Variants in PDX1 observed in about 807,000 individuals in gnomAD.
PDX1 encodes the protein pancreatic and duodenal homeobox 1.
In PDX1, 7 loss-of-function variants were observed where a neutral mutation model predicts 11.1. That is an observed-to-expected ratio of 0.63 (90% CI 0.36 to 1.19). The LOEUF (loss-of-function observed/expected upper bound fraction) is 1.19. PDX1 is among the 50% of genes most tolerant of loss of function. PDX1 has a pLI of 0.02. For missense variants in PDX1, 449 were observed against 412.1 expected (o/e 1.09, Z -0.78); for synonymous variants, 232 against 196.2 (o/e 1.18, Z -1.53).
chr13:27,924,236 A>G lies in PDX1; in HGVS notation c.407-20A>G, dbSNP rs755050153. 4 of 1,568,372 alleles carry G rather than the reference A, an allele frequency of 2.6e-6. No homozygotes were observed. Among genetic ancestry groups the G allele is most frequent in the Non-Finnish European group, 2.6e-6 (3 of 1,158,428 alleles). Reference sequence around the variant, plus strand: ...GTGCGGGGCTCCGGGGGCCACACTCACGCCCTGTGTCGCCCGCAGGCGGCG... The same window carrying G: ...GTGCGGGGCTCCGGGGGCCACACTCGCGCCCTGTGTCGCCCGCAGGCGGCG... On this transcript the variant is annotated intron_variant, in intron 1 of 1. Coordinates refer to ENST00000381033, the MANE Select transcript of PDX1 (RefSeq NM_000209.4). This position sits in a 1 kb window ranked among gnomAD's most constrained non-coding sequence, Gnocchi z 4.8.
chr13:27,924,401 C>T lies in PDX1; in HGVS notation c.552C>T (p.Asn184=), dbSNP rs574643007. 4 of 1,613,212 alleles carry T rather than the reference C, an allele frequency of 2.5e-6. No homozygotes were observed. The Admixed American group carries it at 6.7e-5, about 27-fold the overall frequency. ...GGGTGGAGCTGGCTGTCATGTTGAA[C>T]TTGACCGAGAGACACATCAAGATCT... ...PRRVELAVML[N]LTERHIKIWF... The change falls in exon 2 of 2, where the codon AAC becomes AAT. Residue 184 remains asparagine, a synonymous_variant. Transcript: ENST00000381033. The surrounding 1 kb of genome is among the most constrained non-coding windows in gnomAD (Gnocchi z 4.8).
Position 27,924,987 on chromosome 13 carries a change from T to G in PDX1, c.*286T>G. The G allele has an allele frequency of 5.4e-6, 2 of 373,070 alleles. No individual in the cohort carries two copies. The highest frequency in any genetic ancestry group is 9.4e-6 in the Non-Finnish European group (2 of 212,280). 23.1% of individuals were successfully genotyped at this position (373,070 alleles called of 1,614,324 possible). ...CTGGATTGGCGTTGTTTGTGGCTGTTGCGCACATCCCTGCCCTCCTACAGC... is the reference window on the plus strand; with the variant it reads ...CTGGATTGGCGTTGTTTGTGGCTGTGGCGCACATCCCTGCCCTCCTACAGC... On this transcript the variant is annotated 3_prime_UTR_variant, in exon 2 of 2. Coordinates refer to ENST00000381033, the MANE Select transcript of PDX1 (RefSeq NM_000209.4). This position sits in a 1 kb window ranked among gnomAD's most constrained non-coding sequence, Gnocchi z 4.8.
intron 1 of PDX1, 77 bp downstream of exon 1, chr13:27,920,621 TTCTC>T: frequency 6.8e-7 from 1 of 1,466,256 alleles, no homozygotes; most frequent in South Asian, 1.2e-5. Flanking sequence ...CCCAGGAGCC[TTCTC>T]TCTGTTCCCG....
At chr13:27,920,591 C>T in intron 1 of PDX1, 47 bp downstream of exon 1, 1 of 1,593,826 alleles carries the variant, frequency 6.3e-7, no homozygotes, top group African/African-American at 1.3e-5. Context: ...TCTCACCCGG[C>T]CGCCTTACCT....
At chr13:27,922,957 C>T (rs976329616) in intron 1 of PDX1, among the ~76,000 whole-genome samples, 2 of 152,234 alleles carry the variant, frequency 1.3e-5, no homozygotes, top group African/African-American at 4.8e-5. Context: ...TGAGCCTCTG[C>T]TTCAGCTTCT....
In PDX1 at chr13:27,925,088, T is replaced by C; in HGVS notation, c.*387T>C. 4.1e-6 allele frequency: 1 copy of C among 244,082 alleles called. No homozygotes were observed. The highest frequency in any genetic ancestry group is 9.1e-5 in the East Asian group (1 of 11,016). The allele number at this position is 244,082 out of a possible 1,614,324, so 15.1% of individuals were successfully genotyped here. On this transcript the variant is annotated 3_prime_UTR_variant, in exon 2 of 2. Coordinates refer to ENST00000381033, the MANE Select transcript of PDX1 (RefSeq NM_000209.4). ...AACTGTACCATACACATTGGAAGGC[T>C]CCCTAACACACACAGCGGGGAAGCT...
rs1405652678 is a variant in PDX1, at chr13:27,920,546, T to C, written c.406+2T>C. ...ACGCGTGGAAAGGCCAGTGGGCAGG[T>C]AAGCCTGGCTCCCCACCCCTTTCTC... On this transcript the variant is annotated splice_donor_variant, in intron 1 of 1. Coordinates refer to ENST00000381033, the MANE Select transcript of PDX1 (RefSeq NM_000209.4). LOFTEE classifies it high-confidence loss of function. The C allele has an allele frequency of 1.2e-6, 2 of 1,612,916 alleles. No individual in the cohort carries two copies. The highest frequency in any genetic ancestry group is 1.7e-6 in the Non-Finnish European group (2 of 1,179,912).
In PDX1 at chr13:27,920,127, C is replaced by G. The variant is rs1218547030; in HGVS notation, c.-12C>G. On this transcript the variant is annotated 5_prime_UTR_variant, in exon 1 of 2. Coordinates refer to ENST00000381033, the MANE Select transcript of PDX1 (RefSeq NM_000209.4). ...GCTCCCGGCTCCCGGTGCCCAATCC[C>G]GGGCCGCAGCCATGAACGGCGAGGA... The G allele has an allele frequency of 1.0e-5, 16 of 1,549,378 alleles. No homozygotes were observed. In the Admixed American group the frequency reaches 2.9e-4, roughly 28 times the overall value.
At position 27,924,603 on chromosome 13, in the gene PDX1, G is replaced by T; in HGVS notation, c.754G>T (p.Ala252Ser). Residue 252 changes from alanine to serine, a missense_variant, in exon 2 of 2, where the codon GCC becomes TCC. Around this residue, in one of 3 missense-constraint regions of PDX1, gnomAD observed 139 missense variants for 121.4 expected, o/e 1.14. Transcript: ENST00000381033. This position sits in a 1 kb window ranked among gnomAD's most constrained non-coding sequence, Gnocchi z 4.8. ...PPPGGAVPPAAPVAAREGRLP... is the reference protein window; with the variant it reads ...PPPGGAVPPASPVAAREGRLP... ...CCCCGGAGGTGCTGTGCCGCCCGCT[G>T]CCCCCGTTGCCGCCCGAGAGGGCCG... 6.8e-7 allele frequency: 1 copy of T among 1,462,234 alleles called. No individual in the cohort carries two copies. The allele number at this position is 1,462,234 out of a possible 1,614,324, so 90.6% of individuals were successfully genotyped here. A position where few individuals can be genotyped will look rare whatever the true frequency, so the allele number is the denominator to read the frequency against.
chr13:27,922,243 G>A (rs1274847866), intron 1 of PDX1, among the ~76,000 whole-genome samples: 1 of 152,234 alleles, frequency 6.6e-6, no homozygotes, highest in Admixed American at 6.5e-5. Context: ...CAGCCTTGGC[G>A]AGGGTTCGGG....
chr13:27,924,470 G>A lies in PDX1; in HGVS notation c.621G>A (p.Lys207=). 1.2e-6 allele frequency: 2 copies of A among 1,613,026 alleles called. No homozygotes were observed. The highest frequency in any genetic ancestry group is 1.3e-5 in the African/African-American group (1 of 75,016). ...TGAAGTGGAAAAAGGAGGAGGACAA[G>A]AAGCGCGGCGGCGGGACAGCTGTCG... ...RRMKWKKEED[K]KRGGGTAVGG... Residue 207 remains lysine (K), a synonymous_variant, in exon 2 of 2, where the codon AAG becomes AAA. Coordinates refer to ENST00000381033, the MANE Select transcript of PDX1 (RefSeq NM_000209.4). The surrounding 1 kb of genome is among the most constrained non-coding windows in gnomAD (Gnocchi z 4.8).
rs1379742698 is a variant in PDX1 at position 27,920,022 on chromosome 13, A to C, written c.-117A>C. ...TCTGAGATCAGTGCGGAGCTGTCAAAGCGAGCAGGGGTGGCGCCGGGAGTG... is the reference window on the plus strand; with the variant it reads ...TCTGAGATCAGTGCGGAGCTGTCAACGCGAGCAGGGGTGGCGCCGGGAGTG... On this transcript the variant is annotated 5_prime_UTR_variant, in exon 1 of 2. Transcript: ENST00000381033. The C allele has an allele frequency of 1.6e-5, 21 of 1,325,934 alleles. No individual in the cohort carries two copies. The highest frequency in any genetic ancestry group is 2.0e-5 in the Non-Finnish European group (19 of 953,020). 82.1% of individuals were successfully genotyped at this position (1,325,934 alleles called of 1,614,324 possible).
Position 27,920,322 on chromosome 13 carries a change from C to T in PDX1, c.184C>T (p.Pro62Ser), listed in dbSNP as rs779269166. 82 of 1,541,802 alleles carry T rather than the reference C, an allele frequency of 5.3e-5. 2 individuals are homozygous for T. In the South Asian group the frequency reaches 9.1e-4, roughly 17 times the overall value. ...GALGALEQGS[P>S]PDISPYEVPP... ...CCTGGGCGCGCTGGAGCAGGGCAGCCCCCCGGACATCTCCCCGTACGAGGT... is the reference window on the plus strand; with the variant it reads ...CCTGGGCGCGCTGGAGCAGGGCAGCTCCCCGGACATCTCCCCGTACGAGGT... The change falls in exon 1 of 2, where the codon CCC becomes TCC. Residue 62 changes from proline (P) to serine (S), a missense_variant. Physicochemically the swap from Pro to Ser is moderately conservative, Grantham distance 74. Transcript: ENST00000381033.
rs1314122510 is a variant in PDX1 at position 27,925,845 on chromosome 13, G to A, written c.*1144G>A. 4 of 152,806 alleles carry A rather than the reference G, an allele frequency of 2.6e-5. No homozygotes were observed. The highest frequency in any genetic ancestry group is 9.7e-5 in the African/African-American group (4 of 41,420). The allele number at this position is 152,806 out of a possible 1,614,324, so 9.5% of individuals were successfully genotyped here. ...GCAAGGGGGGACGGGCCTGGATCTGGGGGTGAGGGAGAAAGATGGACCCCT... is the reference window on the plus strand; with the variant it reads ...GCAAGGGGGGACGGGCCTGGATCTGAGGGTGAGGGAGAAAGATGGACCCCT... On this transcript the variant is annotated 3_prime_UTR_variant, in exon 2 of 2. Coordinates refer to ENST00000381033, the MANE Select transcript of PDX1 (RefSeq NM_000209.4).
rs1375604780 is a variant in PDX1 at position 27,920,433 on chromosome 13, C to T, written c.295C>T (p.Pro99Ser). Residue 99 changes from proline to serine, a missense_variant, in exon 1 of 2, where the codon CCC becomes TCC. This residue lies in a region of PDX1 where 263 missense variants were observed against 212.5 expected (regional missense o/e 1.24). Transcript: ENST00000381033. ...CGCGCTCCCCCACCCGCCCGCCGGG[C>T]CCTTCCCGGAGGGAGCCGAGCCGGG... ...QLALPHPPAGPFPEGAEPGVL... is the reference protein window; with the variant it reads ...QLALPHPPAGSFPEGAEPGVL... 1 of 1,579,320 alleles carries T rather than the reference C, an allele frequency of 6.3e-7. No individual in the cohort carries two copies.
rs752633548 is a variant in PDX1, at chr13:27,920,264, C to CCCG, written c.140_142dup (p.Pro47dup). The CCCG allele has an allele frequency of 4.4e-5, 68 of 1,540,332 alleles. No individual in the cohort carries two copies. Among genetic ancestry groups the CCCG allele is most frequent in the South Asian group, 7.2e-5 (6 of 83,144 alleles). The stretch of plus-strand genomic sequence containing the variant: ...CGTGCCTGTACATGGGCCGCCAGCC[C>CCCG]CCGCCGCCGCCGCCGCACCCGTTCC... On this transcript the variant is annotated inframe_insertion, in exon 1 of 2. Coordinates refer to ENST00000381033, the MANE Select transcript of PDX1 (RefSeq NM_000209.4).
At position 27,920,123 on chromosome 13, in the gene PDX1, A is replaced by G; in HGVS notation, c.-16A>G. 1 of 1,549,280 alleles carries G rather than the reference A, an allele frequency of 6.5e-7. No homozygotes were observed. Among genetic ancestry groups the G allele is most frequent in the Non-Finnish European group, 8.7e-7 (1 of 1,146,528 alleles). On this transcript the variant is annotated 5_prime_UTR_variant, in exon 1 of 2. Coordinates refer to ENST00000381033, the MANE Select transcript of PDX1 (RefSeq NM_000209.4). ...CCCGGCTCCCGGCTCCCGGTGCCCAATCCCGGGCCGCAGCCATGAACGGCG... is the reference window on the plus strand; with the variant it reads ...CCCGGCTCCCGGCTCCCGGTGCCCAGTCCCGGGCCGCAGCCATGAACGGCG...
Position 27,923,328 on chromosome 13 carries a change from G to A in PDX1, c.407-928G>A, listed in dbSNP as rs541716869. Among the ~76,000 whole-genome samples, 303 of 152,308 alleles carry A rather than the reference G, an allele frequency of 2.0e-3. 2 individuals carry two copies. The highest frequency in any genetic ancestry group is 0.02 in the South Asian group (95 of 4,824). On this transcript the variant is annotated intron_variant, in intron 1 of 1. Transcript: ENST00000381033. ...GCACCACTACCACCTCCTCCGTAGG[G>A]CTGTCGGTTCTGCAGCTGGGCTAGG...
In PDX1 at chr13:27,920,559, C is replaced by T; in HGVS notation, c.406+15C>T. 1 of 1,612,596 alleles carries T rather than the reference C, an allele frequency of 6.2e-7. No homozygotes were observed. Among genetic ancestry groups the T allele is most frequent in the Non-Finnish European group, 8.5e-7 (1 of 1,179,650 alleles). Reference sequence around the variant, plus strand: ...CCAGTGGGCAGGTAAGCCTGGCTCCCCACCCCTTTCTCCTTTCCGGTTCTC... The same window carrying T: ...CCAGTGGGCAGGTAAGCCTGGCTCCTCACCCCTTTCTCCTTTCCGGTTCTC... On this transcript the variant is annotated intron_variant, in intron 1 of 1. Coordinates refer to ENST00000381033, the MANE Select transcript of PDX1 (RefSeq NM_000209.4).
Sources: gnomAD v4.1 joint callset for allele counts (sites outside exome capture counted in the v4.1 genomes callset) on GRCh38, gnomAD v4.1.1 for gene constraint, gnomAD v4.1.1 regional missense constraint, Gnocchi (gnomAD v3.1) non-coding constraint, MANE v1.5 for transcripts, NCBI Gene and HGNC (gene_info 2026-07-23, HGNC 2026-07-21) for gene names.